The following SDR42E2 variants were observed in gnomAD, a reference collection of about 807,000 sequenced individuals.
SDR42E2 encodes short chain dehydrogenase/reductase family 42E, member 2.
In SDR42E2, 20 loss-of-function variants were observed where a neutral mutation model predicts 10.5. The observed-to-expected ratio is 1.90, with a 90% CI of 1.34 to 2.77. The LOEUF is 2.77. Ranked by LOEUF, SDR42E2 falls within the 30% of genes most tolerant of loss-of-function variation. SDR42E2 has a pLI of 0.00. For missense variants in SDR42E2, 162 were observed against 104.2 expected (o/e 1.55, Z -2.42); for synonymous variants, 72 against 39.2 (o/e 1.84, Z -3.12).
At chr16:22,181,994 G>C (rs572243571) in intron 9 of SDR42E2, among the ~76,000 whole-genome samples, 11 of 152,190 alleles carry the variant, frequency 7.2e-5, no homozygotes, top group Non-Finnish European at 1.6e-4. Flanking sequence ...CTCAGATGAA[G>C]AAACTGAAGT....
At chr16:22,177,999 AG>A in intron 7 of SDR42E2, 130 bp from the exon 8 acceptor site, 2 of 583,256 alleles carry the variant, frequency 3.4e-6, no homozygotes, top group Non-Finnish European at 6.1e-6. Flanking sequence ...AAATTGAACG[AG>A]GAAGCCCCTG....
At position 22,190,260 on chromosome 16, in the gene SDR42E2, GGCGGCCCC is replaced by G. The variant is rs1302830725; in HGVS notation, c.1142_1149del (p.Pro381LeufsTer160). On this transcript the variant is annotated frameshift_variant, in exon 13 of 13. Transcript: ENST00000602312. LOFTEE classifies it low-confidence loss of function (END_TRUNC). ...GAGCTATACGTGCAGTCCACGACCC[GGCGGCCCC>G]GCGGCTCCACGGCGCGGACCCTCCT... is the stretch of plus-strand genomic sequence containing the variant. The G allele has an allele frequency of 2.5e-6, 1 of 401,322 alleles. No individual in the cohort carries two copies. Among genetic ancestry groups the G allele is most frequent in the Non-Finnish European group, 4.4e-6 (1 of 226,340 alleles). The allele number at this position is 401,322 out of a possible 1,614,324, so 24.9% of individuals were successfully genotyped here.
chr16:22,190,035 G>C (rs1164074594), intron 12 of SDR42E2, 104 bp from the exon 13 acceptor site: 1 of 400,092 alleles, frequency 2.5e-6, no homozygotes, highest in Non-Finnish European at 4.4e-6. Context: ...CTATGTAATG[G>C]AGGGGAAATC....
intron 8 of SDR42E2, among the ~76,000 whole-genome samples, chr16:22,179,813 CAAAA>C (rs397757924): frequency 2.1e-5 from 2 of 94,718 alleles, no homozygotes; most frequent in Non-Finnish European, 4.6e-5. Context: ...AACTTCATCT[CAAAA>C]AAAAAAAAAA....
chr16:22,189,635 C>T (rs1322633792), intron 12 of SDR42E2, among the ~76,000 whole-genome samples: 1 of 152,184 alleles, frequency 6.6e-6, no homozygotes, highest in African/African-American at 2.4e-5. Flanking sequence ...GAATTCCTCT[C>T]TTAGGGAAGC....
intron 4 of SDR42E2, among the ~76,000 whole-genome samples, chr16:22,168,725 T>C (rs1355612971): frequency 6.6e-6 from 1 of 151,792 alleles, no homozygotes; most frequent in East Asian, 2.0e-4. Context: ...ACAAAAACAT[T>C]AGCCAGGCAT....
chr16:22,165,056 A>C (rs1210984880), intron 1 of SDR42E2, among the ~76,000 whole-genome samples: 2 of 152,122 alleles, frequency 1.3e-5, no homozygotes, highest in Non-Finnish European at 1.5e-5. Flanking sequence ...TGTGCAGAGG[A>C]CAGCAGCCAC....
intron 10 of SDR42E2, among the ~76,000 whole-genome samples, chr16:22,183,563 G>C (rs1003839985): frequency 2.0e-5 from 3 of 152,210 alleles, no homozygotes; most frequent in African/African-American, 7.2e-5. Context: ...AGGCTTGCCT[G>C]GAAGGGGTAG....
intron 7 of SDR42E2, among the ~76,000 whole-genome samples, chr16:22,173,631 C>A (rs1479144099): frequency 1.3e-5 from 2 of 152,060 alleles, no homozygotes; most frequent in African/African-American, 4.8e-5. Flanking sequence ...GTCTGATTAA[C>A]CCTTCACAGT....
intron 7 of SDR42E2, among the ~76,000 whole-genome samples, chr16:22,175,220 G>A (rs1339283629): frequency 1.3e-5 from 2 of 152,094 alleles, no homozygotes; most frequent in Non-Finnish European, 2.9e-5. Context: ...AGCACTTTGT[G>A]AGGCCAAGAC....
Position 22,166,394 on chromosome 16 carries a change from G to C in SDR42E2, c.200G>C (p.Arg67Thr). Residue 67 changes from arginine to threonine, a missense_variant, in exon 3 of 13, where the codon AGA becomes ACA. Physicochemically the swap from Arg to Thr is moderately conservative, Grantham distance 71. Transcript: ENST00000602312. The part of the protein sequence containing the change: ...GTSVILLDRR[R>T]PQWELSPETK... ...TCCGTCATTCTGCTTGACCGCCGCAGACCCCAGTGGGAACTGTCCCCGGAA... is the reference window on the plus strand; with the variant it reads ...TCCGTCATTCTGCTTGACCGCCGCACACCCCAGTGGGAACTGTCCCCGGAA... The C allele has an allele frequency of 2.5e-6, 1 of 402,754 alleles. No individual in the cohort carries two copies. 24.9% of individuals were successfully genotyped at this position (402,754 alleles called of 1,614,324 possible). A position where few individuals can be genotyped will look rare whatever the true frequency, so the allele number is the denominator to read the frequency against.
chr16:22,172,769 C>T (rs577274351), intron 7 of SDR42E2, among the ~76,000 whole-genome samples: 1 of 152,282 alleles, frequency 6.6e-6, no homozygotes, highest in African/African-American at 2.4e-5. Flanking sequence ...TAGAGTCTAC[C>T]TTGGCTGTCT....
At chr16:22,188,759 G>A (rs1042035209) in intron 12 of SDR42E2, among the ~76,000 whole-genome samples, 3 of 152,058 alleles carry the variant, frequency 2.0e-5, no homozygotes, top group Middle Eastern at 3.2e-3. Flanking sequence ...GCTGTGGCTC[G>A]GGTACCCTCT....
intron 7 of SDR42E2, among the ~76,000 whole-genome samples, chr16:22,176,065 A>G (rs1188406718): frequency 1.3e-5 from 2 of 152,178 alleles, no homozygotes; most frequent in Non-Finnish European, 2.9e-5. Context: ...CTATAGCACT[A>G]TATAGTGACT....
intron 5 of SDR42E2, 133 bp from the exon 6 acceptor site, chr16:22,170,700 T>C (rs977602104): frequency 6.1e-6 from 4 of 655,902 alleles, no homozygotes; most frequent in Non-Finnish European, 5.6e-6. Context: ...GTCCAAGTTG[T>C]GTGTTGAAAA....
At chr16:22,176,179 C>T (rs558319227) in intron 7 of SDR42E2, among the ~76,000 whole-genome samples, 4 of 152,118 alleles carry the variant, frequency 2.6e-5, no homozygotes, top group South Asian at 2.1e-4. Flanking sequence ...AGTGTAGTGG[C>T]GCTATCATGG....
chr16:22,167,017 A>G lies in SDR42E2; in HGVS notation c.336+18A>G, dbSNP rs1395918716. 1.4e-6 allele frequency: 1 copy of G among 701,482 alleles called. No individual in the cohort carries two copies. The highest frequency in any genetic ancestry group is 2.6e-6 in the Non-Finnish European group (1 of 384,220). The allele number at this position is 701,482 out of a possible 1,614,324, so 43.5% of individuals were successfully genotyped here. A position where few individuals can be genotyped will look rare whatever the true frequency, so the allele number is the denominator to read the frequency against. ...CTGAGAAGGTGGGCTCCTCACACAC[A>G]ACACCTGGAGTTAGACAGAGTGGGG... On this transcript the variant is annotated intron_variant, in intron 4 of 12. Transcript: ENST00000602312.
chr16:22,182,447 A>G (rs940700371), intron 10 of SDR42E2, among the ~76,000 whole-genome samples, 170 bp downstream of exon 10: 1 of 152,004 alleles, frequency 6.6e-6, no homozygotes, highest in African/African-American at 2.4e-5. Context: ...CCCAGGTTCA[A>G]GCAATTCTCA....
intron 8 of SDR42E2, among the ~76,000 whole-genome samples, chr16:22,179,326 G>A (rs571148582): frequency 6.6e-6 from 1 of 152,134 alleles, no homozygotes; most frequent in South Asian, 2.1e-4. Context: ...GGTTCTTAAG[G>A]AATGTGGTCA....
Sources: gnomAD v4.1 joint callset for allele counts (sites outside exome capture counted in the v4.1 genomes callset) on GRCh38, gnomAD v4.1.1 for gene constraint, MANE v1.5 for transcripts, NCBI Gene and HGNC (gene_info 2026-07-23, HGNC 2026-07-21) for gene names.